The following ARHGEF7 variants were observed in gnomAD, a reference collection of about 807,000 sequenced individuals.
The protein encoded by ARHGEF7 is PAK-interacting exchange factor beta.
A neutral mutation model predicts 109.8 loss-of-function variants in ARHGEF7; 33 were observed. The observed-to-expected ratio is 0.30, with a 90% CI of 0.23 to 0.40. The LOEUF (loss-of-function observed/expected upper bound fraction) is 0.40, where lower values mean the gene tolerates loss of function less well. Among genes scored for constraint, ARHGEF7 ranks in the 10% least tolerant of loss-of-function variants. The probability of loss-of-function intolerance (pLI) is 1.00; values close to 1 mark genes in which losing one functional copy is unlikely to be tolerated. For synonymous variants in ARHGEF7, 458 were observed against 424.6 expected (o/e 1.08, Z -0.97); for missense variants, 938 against 1,098.5 (o/e 0.85, Z 2.07).
rs2153570152 is a variant in ARHGEF7, at chr13:111,258,148, C to T, written c.951-9400C>T. 6.6e-6 allele frequency among the ~76,000 whole-genome samples: 1 copy of T among 152,152 alleles called. No homozygotes were observed. The highest frequency in any genetic ancestry group is 2.1e-4 in the South Asian group (1 of 4,806). Reference sequence around the variant, plus strand: ...CAGCCACAGGCAGTGCAGCCTGCAGCTCCAGGAGAGACTCCTCCCACAACC... The same window carrying T: ...CAGCCACAGGCAGTGCAGCCTGCAGTTCCAGGAGAGACTCCTCCCACAACC... On this transcript the variant is annotated intron_variant, in intron 8 of 21. Coordinates refer to ENST00000646102, the MANE Select transcript of ARHGEF7 (RefSeq NM_001354046.2). The surrounding 1 kb of genome is among the most constrained non-coding windows in gnomAD (Gnocchi z 4.4).
chr13:111,224,042 A>C (rs908106721), intron 5 of ARHGEF7, among the ~76,000 whole-genome samples: 2 of 152,120 alleles, frequency 1.3e-5, no homozygotes, highest in African/African-American at 4.8e-5. Context: ...TTTTTAGTAG[A>C]GACAGGGTTT....
At chr13:111,147,588 CT>C (rs2075663143) in intron 1 of ARHGEF7, among the ~76,000 whole-genome samples, 1 of 152,056 alleles carries the variant, frequency 6.6e-6, no homozygotes, top group Non-Finnish European at 1.5e-5. Context: ...CTCAGCTGCC[CT>C]TTTTTACTCG....
intron 7 of ARHGEF7, 89 bp downstream of exon 7, chr13:111,244,055 G>A (rs763747938): frequency 1.5e-6 from 2 of 1,310,748 alleles, no homozygotes; most frequent in Non-Finnish European, 2.1e-6. Context: ...GGGTTAAATA[G>A]TGAAACAAAA....
chr13:111,233,126 T>A, intron 5 of ARHGEF7, 79 bp from the exon 6 acceptor site: 1 of 1,192,362 alleles, frequency 8.4e-7, no homozygotes, highest in Non-Finnish European at 1.3e-6. Context: ...TGGATGAGTA[T>A]CCTTGGCCTG....
intron 2 of ARHGEF7, among the ~76,000 whole-genome samples, chr13:111,164,828 G>T (rs1275689281): frequency 6.6e-6 from 1 of 152,188 alleles, no homozygotes; most frequent in Non-Finnish European, 1.5e-5. Context: ...TGCTACTAAA[G>T]AATTGCTTAA....
chr13:111,189,696 G>A (rs1340562508), intron 2 of ARHGEF7, among the ~76,000 whole-genome samples: 2 of 152,178 alleles, frequency 1.3e-5, no homozygotes, highest in Non-Finnish European at 2.9e-5. Context: ...GCCACATCCT[G>A]CTGATTGGTC....
chr13:111,181,514 A>G (rs2078729620), intron 2 of ARHGEF7, among the ~76,000 whole-genome samples: 1 of 152,144 alleles, frequency 6.6e-6, no homozygotes, highest in Non-Finnish European at 1.5e-5. Context: ...TTTTTAAACA[A>G]CAACAACAAC....
At chr13:111,121,233 G>A (rs2153318250) in intron 1 of ARHGEF7, among the ~76,000 whole-genome samples, 1 of 152,254 alleles carries the variant, frequency 6.6e-6, no homozygotes, top group South Asian at 2.1e-4. Context: ...GGGGGAACCT[G>A]CAGAAGCTCC....
rs1331449179 is a variant in ARHGEF7, at chr13:111,115,886, G to C, written c.165+195G>C. ...GCCATTGTGTGCGGGGCAGGGGGAG[G>C]GGGCCGGGGAGCGGGGTCGGGGGGA... On this transcript the variant is annotated intron_variant, in intron 1 of 21. Coordinates refer to ENST00000646102, the MANE Select transcript of ARHGEF7 (RefSeq NM_001354046.2). Among the ~76,000 whole-genome samples, 3 of 150,320 alleles carry C rather than the reference G, an allele frequency of 2.0e-5. No individual in the cohort carries two copies. The East Asian group carries it at 6.0e-4, about 30-fold the overall frequency.
chr13:111,231,983 C>T (rs1315101605), intron 5 of ARHGEF7, among the ~76,000 whole-genome samples: 2 of 152,084 alleles, frequency 1.3e-5, no homozygotes, highest in Non-Finnish European at 2.9e-5. Flanking sequence ...GCTCTGTAGC[C>T]CTGGAAAACC....
At chr13:111,259,479 T>G (rs1252584927) in intron 8 of ARHGEF7, among the ~76,000 whole-genome samples, 1 of 152,222 alleles carries the variant, frequency 6.6e-6, no homozygotes, top group East Asian at 1.9e-4. Flanking sequence ...AAAATTCTTC[T>G]GGATTTTGTT....
chr13:111,154,098 C>T, intron 2 of ARHGEF7, 107 bp downstream of exon 2: 1 of 1,124,984 alleles, frequency 8.9e-7, no homozygotes, highest in Non-Finnish European at 1.2e-6. Context: ...GCGCCCGGAT[C>T]CGACCCTCCC....
At chr13:111,188,880 G>C (rs1454869616) in intron 2 of ARHGEF7, among the ~76,000 whole-genome samples, 2 of 152,210 alleles carry the variant, frequency 1.3e-5, no homozygotes, top group Admixed American at 1.3e-4. Flanking sequence ...TCAGGAATAA[G>C]TTCTGTTGGG....
chr13:111,213,626 G>A (rs568087288), intron 4 of ARHGEF7, among the ~76,000 whole-genome samples: 2 of 152,174 alleles, frequency 1.3e-5, no homozygotes, highest in South Asian at 2.1e-4. Flanking sequence ...TTGTTGTAAC[G>A]ACTGGCTTGT....
intron 7 of ARHGEF7, 31 bp downstream of exon 7, chr13:111,243,997 A>G (rs1162596727): frequency 1.2e-5 from 19 of 1,530,766 alleles, no homozygotes; most frequent in Non-Finnish European, 1.5e-5. Context: ...CATTAACTGT[A>G]AAATAGTCTA....
chr13:111,119,621 G>T (rs1339706116), intron 1 of ARHGEF7, among the ~76,000 whole-genome samples: 1 of 152,198 alleles, frequency 6.6e-6, no homozygotes, highest in Non-Finnish European at 1.5e-5. Context: ...TGACGTGTGG[G>T]TAAGAATATG....
At chr13:111,218,183 T>A (rs9515394) in intron 5 of ARHGEF7, among the ~76,000 whole-genome samples, 67,163 of 151,280 alleles carry the variant, frequency 0.44, 15,557 homozygotes, top group South Asian at 0.56. Context: ...TTTTTTTTTT[T>A]AAGAGCTAGT....
intron 2 of ARHGEF7, chr13:111,187,043 G>T (rs2079336686): frequency 1.6e-5 from 16 of 984,832 alleles, no homozygotes; most frequent in Non-Finnish European, 1.9e-5. Flanking sequence ...TGTGGGTATT[G>T]GGAGGGTGGT....
At chr13:111,187,198 G>C (rs1362311574) in intron 2 of ARHGEF7, among the ~76,000 whole-genome samples, 2 of 152,198 alleles carry the variant, frequency 1.3e-5, no homozygotes, top group African/African-American at 4.8e-5. Flanking sequence ...GTTTATGTGT[G>C]GGTTTGCCAG....
Sources: allele counts gnomAD v4.1 joint callset (sites outside exome capture counted in the v4.1 genomes callset), GRCh38; gene constraint gnomAD v4.1.1; non-coding constraint Gnocchi (gnomAD v3.1); transcripts MANE v1.5; gene names NCBI Gene and HGNC (gene_info 2026-07-23, HGNC 2026-07-21).